CYSLTR1: variants seen among roughly 807,000 people sequenced by gnomAD.
The protein encoded by CYSLTR1 is G-protein coupled receptor HG55.
In CYSLTR1, 1 loss-of-function variant was observed where a neutral mutation model predicts 2.1. The observed-to-expected ratio is 0.48, with a 90% CI of 0.17 to 2.28. CYSLTR1 has a LOEUF of 2.28. CYSLTR1 is among the 30% of genes most tolerant of loss of function. The pLI, the probability that CYSLTR1 is intolerant of heterozygous loss-of-function variation, is 0.26. For synonymous variants in CYSLTR1, 110 were observed against 89.6 expected (o/e 1.23, Z -1.28); for missense variants, 299 against 250.1 (o/e 1.20, Z -1.32).
intron 1 of CYSLTR1, among the ~76,000 whole-genome samples, chrX:78,310,871 T>G (rs1374531757): frequency 9.0e-6 from 1 of 110,524 alleles, no homozygotes; most frequent in Non-Finnish European, 1.9e-5. Flanking sequence ...TGCGTGTATG[T>G]GTGTTTGGGC....
intron 1 of CYSLTR1, among the ~76,000 whole-genome samples, chrX:78,289,420 A>G (rs1246442777): frequency 1.8e-5 from 2 of 112,279 alleles, no homozygotes; most frequent in African/African-American, 6.5e-5. Context: ...GCCACAATAA[A>G]CATATGTGTG....
chrX:78,311,648 A>T (rs1174314942), intron 1 of CYSLTR1, among the ~76,000 whole-genome samples: 1 of 112,338 alleles, frequency 8.9e-6, no homozygotes, highest in East Asian at 2.8e-4. Flanking sequence ...TCAGAATATA[A>T]AATCAATGTA....
chrX:78,272,979 G>A lies in CYSLTR1; in HGVS notation c.768C>T (p.His256=), dbSNP rs768181799. The part of the protein sequence containing the change: ...FMPYHIQRTI[H]LHFLHNETKP... Reference sequence around the variant, plus strand: ...TAGTTTCATTGTGTAAAAAATGAAGGTGAATGGTACGTTGAATATGATATG... The same window carrying A: ...TAGTTTCATTGTGTAAAAAATGAAGATGAATGGTACGTTGAATATGATATG... The change falls in exon 3 of 3, where the codon CAC becomes CAT. Residue 256 remains histidine (H), a synonymous_variant. Transcript: ENST00000373304. 4.1e-6 allele frequency: 5 copies of A among 1,211,550 alleles called. No homozygotes were observed. The highest frequency in any genetic ancestry group is 5.6e-6 in the Non-Finnish European group (5 of 895,324).
At chrX:78,296,319 A>G (rs896463344) in intron 1 of CYSLTR1, among the ~76,000 whole-genome samples, 11 of 111,430 alleles carry the variant, frequency 9.9e-5, no homozygotes, top group African/African-American at 3.6e-4. Context: ...TATAATTTCA[A>G]GTTAGGTAAT....
Position 78,272,904 on chromosome X carries a change from C to CAAGGTTATG in CYSLTR1, c.834_842dup (p.Thr280_Leu281insPheIleThr). 1 of 1,211,126 alleles carries CAAGGTTATG rather than the reference C, an allele frequency of 8.3e-7. No homozygotes were observed. Among genetic ancestry groups the CAAGGTTATG allele is most frequent in the Non-Finnish European group, 1.1e-6 (1 of 895,362 alleles). On this transcript the variant is annotated inframe_insertion, in exon 3 of 3. Transcript: ENST00000373304. ...AGCAACAATTGGATGCAGCCAGAGACAAGGTTATGACCACGGACTTCTGCA... is the reference window on the plus strand; with the variant it reads ...AGCAACAATTGGATGCAGCCAGAGACAAGGTTATGAAGGTTATGACCACGGACTTCTGCA...
intron 1 of CYSLTR1, among the ~76,000 whole-genome samples, chrX:78,317,001 A>G (rs1329733610): frequency 8.9e-6 from 1 of 112,513 alleles, no homozygotes; most frequent in Non-Finnish European, 1.9e-5. Flanking sequence ...ATTTAAACTA[A>G]AAGAATTCTG....
At chrX:78,298,164 C>G (rs993752414) in intron 1 of CYSLTR1, among the ~76,000 whole-genome samples, 1 of 111,253 alleles carries the variant, frequency 9.0e-6, no homozygotes, top group African/African-American at 3.3e-5. Context: ...TGTTTAATTT[C>G]CATGTATTTG....
At chrX:78,285,421 C>CAAA (rs397897021) in intron 1 of CYSLTR1, among the ~76,000 whole-genome samples, 33 of 65,463 alleles carry the variant, frequency 5.0e-4, no homozygotes, top group African/African-American at 1.2e-3. Context: ...GACTCCGTCT[C>CAAA]AAAAAAAAAA....
intron 1 of CYSLTR1, among the ~76,000 whole-genome samples, chrX:78,300,817 C>T (rs1922788776): frequency 8.9e-6 from 1 of 112,540 alleles, no homozygotes; most frequent in Admixed American, 9.3e-5. Flanking sequence ...TTGGAGTTCC[C>T]CTGTATGAGC....
At chrX:78,277,809 G>T (rs1204650770) in intron 2 of CYSLTR1, among the ~76,000 whole-genome samples, 1 of 112,032 alleles carries the variant, frequency 8.9e-6, no homozygotes, top group Non-Finnish European at 1.9e-5. Flanking sequence ...AGGTACATCA[G>T]CCTACACAAA....
chrX:78,301,111 C>T (rs1289812903), intron 1 of CYSLTR1, among the ~76,000 whole-genome samples: 2 of 112,144 alleles, frequency 1.8e-5, no homozygotes, highest in Non-Finnish European at 3.8e-5. Flanking sequence ...AGCAGGGGTT[C>T]CTGGGCCTGG....
At chrX:78,320,643 T>C (rs2147277154) in intron 1 of CYSLTR1, 1 of 112,058 alleles carries the variant, frequency 8.9e-6, no homozygotes, top group South Asian at 3.7e-4. Context: ...TCCAATTCTG[T>C]GAAGAAAGTC....
chrX:78,321,136 CGTGTGTGTGTGTGTGTGTGTGT>C (rs56157358), intron 1 of CYSLTR1: 1 of 92,087 alleles, frequency 1.1e-5, no homozygotes, highest in African/African-American at 4.0e-5. Flanking sequence ...GGAAGGAGCA[CGTGTGTGTGTGTGTGTGTGTGT>C]GTGTGTGTGT....
At position 78,318,189 on chromosome X, in the gene CYSLTR1, G is replaced by A. The variant is rs183511976; in HGVS notation, c.-115+9116C>T. Among the ~76,000 whole-genome samples, 7 of 112,189 alleles carry A rather than the reference G, an allele frequency of 6.2e-5. No individual in the cohort carries two copies. The East Asian group carries it at 2.0e-3, about 31-fold the overall frequency. ...AGAAAATGTGTCACATATACACCAT[G>A]GAATACTATGCAGACACAAAAAGGA... On this transcript the variant is annotated intron_variant, in intron 1 of 2. Coordinates refer to ENST00000373304, the MANE Select transcript of CYSLTR1 (RefSeq NM_006639.4).
intron 2 of CYSLTR1, among the ~76,000 whole-genome samples, chrX:78,283,119 T>C (rs779899579): frequency 1.1e-4 from 12 of 111,930 alleles, no homozygotes; most frequent in Non-Finnish European, 9.4e-5. Flanking sequence ...GCATTTAATT[T>C]GTTTTTTAGA....
intron 1 of CYSLTR1, among the ~76,000 whole-genome samples, chrX:78,299,020 T>G (rs1002908037): frequency 3.6e-5 from 4 of 111,448 alleles, no homozygotes; most frequent in Admixed American, 9.6e-5. Flanking sequence ...TTGCTTATTA[T>G]TTTTTGTGCA....
chrX:78,311,226 A>C (rs1923209467), intron 1 of CYSLTR1, among the ~76,000 whole-genome samples: 1 of 111,333 alleles, frequency 9.0e-6, no homozygotes, highest in Non-Finnish European at 1.9e-5. Flanking sequence ...GGAGGTTGGA[A>C]TAATTGGCTC....
intron 1 of CYSLTR1, among the ~76,000 whole-genome samples, chrX:78,288,031 C>CA (rs202210188): frequency 0.041 from 4,251 of 104,773 alleles, 88 homozygotes; most frequent in East Asian, 0.082. Context: ...AAACAAAGAA[C>CA]AAAAAAAAAA....
intron 1 of CYSLTR1, chrX:78,319,015 T>C (rs966474540): frequency 1.8e-5 from 2 of 110,676 alleles, no homozygotes; most frequent in Non-Finnish European, 3.8e-5. Flanking sequence ...TACTTATACT[T>C]CAAGATTTAG....
Sources: gnomAD v4.1 joint callset for allele counts (sites outside exome capture counted in the v4.1 genomes callset) on GRCh38, gnomAD v4.1.1 for gene constraint, MANE v1.5 for transcripts, NCBI Gene and HGNC (gene_info 2026-07-23, HGNC 2026-07-21) for gene names.